Variants in SPECC1 observed in about 807,000 individuals in gnomAD.
SPECC1 encodes the protein cytospin-B.
Under a neutral mutation model 104.1 loss-of-function variants are expected in SPECC1, and 62 were observed. That is an observed-to-expected ratio of 0.60 (90% CI 0.49 to 0.74). The LOEUF (loss-of-function observed/expected upper bound fraction) is 0.74. Among genes scored for constraint, SPECC1 ranks in the 30% least tolerant of loss-of-function variants. The pLI is 0.00. For missense variants in SPECC1, 1,306 were observed against 1,310.5 expected (o/e 1.00, Z 0.05); for synonymous variants, 513 against 501.6 (o/e 1.02, Z -0.30).
intron 1 of SPECC1, among the ~76,000 whole-genome samples, chr17:20,064,884 A>C (rs767756967): frequency 3.3e-5 from 5 of 152,056 alleles, no homozygotes; most frequent in Admixed American, 1.3e-4. Context: ...GTACTTTCTT[A>C]TGGTAAAATG....
intron 12 of SPECC1, among the ~76,000 whole-genome samples, chr17:20,291,123 G>A (rs868838858): frequency 6.6e-6 from 1 of 152,228 alleles, no homozygotes; most frequent in South Asian, 2.1e-4. Context: ...CCAGTGCAGA[G>A]AGCAGTGCCA....
chr17:20,161,463 A>G (rs1232622960), intron 3 of SPECC1, among the ~76,000 whole-genome samples: 3 of 151,734 alleles, frequency 2.0e-5, no homozygotes, highest in African/African-American at 4.9e-5. Flanking sequence ...TGCATCATTT[A>G]TAGGTTAATT....
chr17:20,180,029 G>A (rs1433888371), intron 3 of SPECC1, among the ~76,000 whole-genome samples: 1 of 152,066 alleles, frequency 6.6e-6, no homozygotes, highest in African/African-American at 2.4e-5. Flanking sequence ...GTGTGGGACT[G>A]GGGGGCATGG....
At chr17:20,298,948 A>AGAGAGAGAGAGTGT in intron 13 of SPECC1, among the ~76,000 whole-genome samples, 9 of 49,072 alleles carry the variant, frequency 1.8e-4, no homozygotes, top group African/African-American at 6.5e-4. Context: ...AGAGAGAGAG[A>AGAGAGAGAGAGTGT]GTGTGTGTGT....
intron 7 of SPECC1, among the ~76,000 whole-genome samples, chr17:20,240,805 C>G (rs1048334754): frequency 6.6e-6 from 1 of 152,190 alleles, no homozygotes; most frequent in African/African-American, 2.4e-5. Context: ...TTTAACTCAT[C>G]CTTTCATTTA....
chr17:20,021,670 TATATAATATAATA>T (rs1194021192), intron 1 of SPECC1, among the ~76,000 whole-genome samples: 3 of 143,802 alleles, frequency 2.1e-5, no homozygotes, highest in East Asian at 4.0e-4. Context: ...GATATATATA[TATATAATATAATA>T]ATATATATAT....
At chr17:20,179,652 A>G (rs1365526556) in intron 3 of SPECC1, among the ~76,000 whole-genome samples, 1 of 152,244 alleles carries the variant, frequency 6.6e-6, no homozygotes, top group Non-Finnish European at 1.5e-5. Context: ...AACCAGGGCA[A>G]AAGAAGAATA....
At chr17:20,297,745 AC>A (rs766120553) in intron 13 of SPECC1, among the ~76,000 whole-genome samples, 7 of 151,934 alleles carry the variant, frequency 4.6e-5, no homozygotes, top group African/African-American at 7.3e-5. Flanking sequence ...CAGTTTGCCA[AC>A]CCCTGACCTA....
chr17:20,170,488 C>G (rs886159741), intron 3 of SPECC1, among the ~76,000 whole-genome samples: 7 of 152,260 alleles, frequency 4.6e-5, no homozygotes, highest in African/African-American at 1.7e-4. Flanking sequence ...CACACCACTA[C>G]AAAAGTGACC....
intron 12 of SPECC1, among the ~76,000 whole-genome samples, chr17:20,288,683 G>C (rs894217705): frequency 6.6e-6 from 1 of 151,702 alleles, no homozygotes; most frequent in African/African-American, 2.4e-5. Context: ...ACATACCTGA[G>C]ACTGGGAAGA....
chr17:20,097,829 AGTGT>A (rs1482827992), intron 2 of SPECC1, among the ~76,000 whole-genome samples: 3 of 152,216 alleles, frequency 2.0e-5, no homozygotes, highest in Non-Finnish European at 4.4e-5. Flanking sequence ...ATATGTGGAA[AGTGT>A]GTGGGTCGTG....
chr17:20,244,843 G>A (rs1323726301), intron 7 of SPECC1, among the ~76,000 whole-genome samples: 1 of 152,202 alleles, frequency 6.6e-6, no homozygotes, highest in Non-Finnish European at 1.5e-5. Flanking sequence ...CAGTGATTTA[G>A]CAATGAGAAG....
chr17:20,297,814 G>A (rs56237951), intron 13 of SPECC1, among the ~76,000 whole-genome samples: 3,555 of 152,272 alleles, frequency 0.023, 62 homozygotes, highest in Non-Finnish European at 0.037. Context: ...GCTGGGTCCC[G>A]CTGTTGGTCA....
intron 1 of SPECC1, among the ~76,000 whole-genome samples, chr17:20,051,550 A>G (rs966262738): frequency 6.6e-6 from 1 of 152,202 alleles, no homozygotes; most frequent in Non-Finnish European, 1.5e-5. Context: ...TTTAAAATGT[A>G]TGTTTAGGTA....
At chr17:20,111,865 G>T (rs9902032) in intron 3 of SPECC1, 4 of 829,086 alleles carry the variant, frequency 4.8e-6, no homozygotes, top group South Asian at 2.7e-5. Context: ...GCCCCAAGAA[G>T]GGAAAGGTGG....
intron 13 of SPECC1, among the ~76,000 whole-genome samples, chr17:20,300,760 C>G (rs1018186229): frequency 2.6e-5 from 4 of 152,162 alleles, no homozygotes; most frequent in Non-Finnish European, 4.4e-5. Context: ...TGGTATAGGC[C>G]CCTGCTCCCT....
rs1222840292 is a variant in SPECC1 at position 20,102,653 on chromosome 17, T to C, written c.147+5855T>C. Reference sequence around the variant, plus strand: ...CACACTATGCATTTTTACTGAATATTGTTCTTGGATGGATTTACCGAAGAA... The same window carrying C: ...CACACTATGCATTTTTACTGAATATCGTTCTTGGATGGATTTACCGAAGAA... On this transcript the variant is annotated intron_variant, in intron 2 of 14. Transcript: ENST00000395527. Among the ~76,000 whole-genome samples the C allele has an allele frequency of 3.9e-5, 6 of 152,174 alleles. No homozygotes were observed. The East Asian group carries it at 1.2e-3, about 29-fold the overall frequency.
chr17:20,149,097 T>C (rs2031746864), intron 3 of SPECC1, among the ~76,000 whole-genome samples: 1 of 152,204 alleles, frequency 6.6e-6, no homozygotes, highest in African/African-American at 2.4e-5. Context: ...AGAGACTGCA[T>C]AGGAAGCCAT....
intron 1 of SPECC1, among the ~76,000 whole-genome samples, chr17:20,060,879 A>C (rs1232711137): frequency 6.6e-6 from 1 of 152,252 alleles, no homozygotes; most frequent in Non-Finnish European, 1.5e-5. Flanking sequence ...CATAAACACC[A>C]GTGCATACAT....
Sources: gnomAD v4.1 joint callset for allele counts (sites outside exome capture counted in the v4.1 genomes callset) on GRCh38, gnomAD v4.1.1 for gene constraint, MANE v1.5 for transcripts, NCBI Gene and HGNC (gene_info 2026-07-23, HGNC 2026-07-21) for gene names.